SCN2A: variants seen among roughly 807,000 people sequenced by gnomAD.
SCN2A encodes the protein sodium voltage-gated channel alpha subunit 2, also known as sodium channel protein type 2 subunit alpha.
A neutral mutation model predicts 188.7 loss-of-function variants in SCN2A; 20 were observed. The ratio of observed to expected loss-of-function variants is 0.11; its 90% CI spans 0.07 to 0.15. SCN2A has a LOEUF of 0.15. Among genes scored for constraint, SCN2A ranks in the 10% least tolerant of loss-of-function variants. The pLI is 1.00. For missense variants in SCN2A, 1,278 were observed against 2,445.0 expected (o/e 0.52, Z 10.07); for synonymous variants, 804 against 833.1 (o/e 0.97, Z 0.60).
chr2:165,334,180 T>C (rs917970437), intron 14 of SCN2A, among the ~76,000 whole-genome samples: 1 of 151,506 alleles, frequency 6.6e-6, no homozygotes, highest in Non-Finnish European at 1.5e-5. Context: ...ACTGGTGAAT[T>C]TTGCCAAATG....
chr2:165,328,596 A>AT, intron 13 of SCN2A: 1 of 757,804 alleles, frequency 1.3e-6, no homozygotes. Context: ...TTTGAGCTAA[A>AT]TAAGACATTA....
intron 17 of SCN2A, among the ~76,000 whole-genome samples, chr2:165,363,234 T>TG (rs753115806): frequency 6.6e-6 from 1 of 152,128 alleles, no homozygotes; most frequent in Non-Finnish European, 1.5e-5. Flanking sequence ...TTAGCACTGA[T>TG]GTAAGCTCTG....
chr2:165,386,945 C>G lies in SCN2A; in HGVS notation c.4751C>G (p.Ser1584Cys). ...FTGECVLKLI[S>C]LRYYYFTIGW... ...GGAGAATGTGTGCTGAAACTGATCTCTCTTCGTTACTACTATTTCACTATT... is the reference window on the plus strand; with the variant it reads ...GGAGAATGTGTGCTGAAACTGATCTGTCTTCGTTACTACTATTTCACTATT... Residue 1584 changes from serine (S) to cysteine (C), a missense_variant, in exon 26 of 27, where the codon TCT becomes TGT. Ser to Cys is a moderately radical substitution (Grantham distance 112). Around this residue, in one of 17 missense-constraint regions of SCN2A, gnomAD observed 97 missense variants for 266.1 expected, o/e 0.36. Coordinates refer to ENST00000375437, the MANE Select transcript of SCN2A (RefSeq NM_001040142.2). 4 of 1,613,778 alleles carry G rather than the reference C, an allele frequency of 2.5e-6. No individual in the cohort carries two copies. The highest frequency in any genetic ancestry group is 1.1e-5 in the South Asian group (1 of 91,068).
chr2:165,284,612 A>G (rs1046149329), intron 1 of SCN2A, among the ~76,000 whole-genome samples: 3 of 152,188 alleles, frequency 2.0e-5, no homozygotes, highest in African/African-American at 7.2e-5. Context: ...ATGGGGACTG[A>G]TGGAAAAATT....
intron 1 of SCN2A, among the ~76,000 whole-genome samples, chr2:165,291,525 T>TTCCTTCCTTCC: frequency 1.7e-5 from 1 of 58,636 alleles, no homozygotes; most frequent in African/African-American, 7.9e-5. Context: ...CTCTCCTTTC[T>TTCCTTCCTTCC]TTCCTTCCTT....
chr2:165,274,838 CG>C (rs1193134932), intron 1 of SCN2A, among the ~76,000 whole-genome samples: 7 of 152,166 alleles, frequency 4.6e-5, no homozygotes, highest in Non-Finnish European at 1.5e-5. Flanking sequence ...TGGATTTTTC[CG>C]GGCAGCCCGG....
At chr2:165,386,692 A>G in intron 25 of SCN2A, 54 bp from the exon 26 acceptor site, 2 of 1,543,110 alleles carry the variant, frequency 1.3e-6, no homozygotes, top group Non-Finnish European at 1.8e-6. Flanking sequence ...AGAAGAATTG[A>G]ATTCGATTTT....
rs115466497 is a variant in SCN2A at position 165,324,829 on chromosome 2, C to T, written c.2016+1329C>T. 8.2e-3 allele frequency among the ~76,000 whole-genome samples: 1,251 copies of T among 152,256 alleles called. 24 individuals are homozygous for T. The highest frequency in any genetic ancestry group is 0.028 in the African/African-American group (1,153 of 41,534). On this transcript the variant is annotated intron_variant, in intron 12 of 26. Coordinates refer to ENST00000375437, the MANE Select transcript of SCN2A (RefSeq NM_001040142.2). The stretch of plus-strand genomic sequence containing the variant: ...ATCAACAGTGAAATATTGCCTCCCA[C>T]TGAGTTATTTTTAATTTCTTTAAAT...
chr2:165,251,854 T>C (rs765928027), intron 1 of SCN2A, among the ~76,000 whole-genome samples: 32 of 152,152 alleles, frequency 2.1e-4, no homozygotes, highest in Non-Finnish European at 1.8e-4. Flanking sequence ...TTTACTATAA[T>C]ACAGGCACTG....
intron 12 of SCN2A, among the ~76,000 whole-genome samples, chr2:165,324,823 C>T (rs1223522205): frequency 6.6e-6 from 1 of 152,124 alleles, no homozygotes; most frequent in Non-Finnish European, 1.5e-5. Flanking sequence ...GAAATATTGC[C>T]TCCCACTGAG....
At chr2:165,313,825 A>G in intron 9 of SCN2A, 64 bp downstream of exon 9, 6 of 1,611,844 alleles carry the variant, frequency 3.7e-6, no homozygotes, top group Non-Finnish European at 5.1e-6. Flanking sequence ...GAATTGCTGT[A>G]GAATATTTTA....
intron 22 of SCN2A, 39 bp from the exon 23 acceptor site, chr2:165,377,558 A>G: frequency 1.3e-6 from 2 of 1,538,278 alleles, no homozygotes; most frequent in Non-Finnish European, 1.8e-6. Flanking sequence ...TAAAATTATA[A>G]TTTTGGGAAA....
intron 1 of SCN2A, among the ~76,000 whole-genome samples, chr2:165,256,005 T>TC (rs908728682): frequency 1.4e-5 from 2 of 139,754 alleles, no homozygotes; most frequent in East Asian, 2.1e-4. Flanking sequence ...CTTTTCTTTT[T>TC]TTTTTTTTTT....
chr2:165,305,422 G>C (rs753552727), intron 3 of SCN2A, among the ~76,000 whole-genome samples: 2 of 152,148 alleles, frequency 1.3e-5, no homozygotes, highest in Non-Finnish European at 2.9e-5. Context: ...GGTATATAAT[G>C]GTTATGTTTG....
At chr2:165,313,266 C>T (rs527789910) in intron 8 of SCN2A, among the ~76,000 whole-genome samples, 1 of 152,240 alleles carries the variant, frequency 6.6e-6, no homozygotes, top group South Asian at 2.1e-4. Context: ...CACTTACACA[C>T]ATTTCTGCCT....
intron 23 of SCN2A, among the ~76,000 whole-genome samples, chr2:165,378,975 G>A (rs1701456315): frequency 6.6e-6 from 1 of 151,746 alleles, no homozygotes; most frequent in Admixed American, 6.6e-5. Context: ...AGGATAAACA[G>A]CAATAAGAAC....
intron 16 of SCN2A, 72 bp from the exon 17 acceptor site, chr2:165,354,120 A>C: frequency 6.3e-7 from 1 of 1,586,504 alleles, no homozygotes; most frequent in South Asian, 1.1e-5. Flanking sequence ...GAACAATCTT[A>C]GAAAACTAAT....
chr2:165,244,683 G>A (rs13013080), intron 1 of SCN2A, among the ~76,000 whole-genome samples: 4,607 of 152,202 alleles, frequency 0.03, 106 homozygotes, highest in Middle Eastern at 0.068. Context: ...CATTTAGGGG[G>A]ATAAAATGAT....
chr2:165,298,937 A>T (rs3769927), intron 3 of SCN2A, among the ~76,000 whole-genome samples: 32,689 of 151,954 alleles, frequency 0.22, 3,876 homozygotes, highest in Non-Finnish European at 0.27. Flanking sequence ...ATACAAAAAA[A>T]GTGAAAAAAT....
Sources: gnomAD v4.1 joint callset for allele counts (sites outside exome capture counted in the v4.1 genomes callset) on GRCh38, gnomAD v4.1.1 for gene constraint, gnomAD v4.1.1 regional missense constraint, MANE v1.5 for transcripts, NCBI Gene and HGNC (gene_info 2026-07-23, HGNC 2026-07-21) for gene names.